The following MMP20 variants were observed in gnomAD, a reference collection of about 807,000 sequenced individuals.
MMP20 encodes the protein matrix metallopeptidase 20, also known as matrix metalloproteinase-20.
MMP20 carries 50 observed loss-of-function variants against 51.8 expected under a neutral mutation model. The ratio of observed to expected loss-of-function variants is 0.97; its 90% CI spans 0.77 to 1.22. The LOEUF is 1.22. MMP20 is among the 50% of genes most tolerant of loss of function. The pLI is 0.00. For missense variants in MMP20, 663 were observed against 601.4 expected (o/e 1.10, Z -1.07); for synonymous variants, 244 against 216.2 (o/e 1.13, Z -1.13).
chr11:102,614,715 C>T (rs1048145734), intron 2 of MMP20, among the ~76,000 whole-genome samples: 11 of 152,006 alleles, frequency 7.2e-5, no homozygotes, highest in Non-Finnish European at 1.3e-4. Flanking sequence ...CTAGGGGATT[C>T]ATGACTGTTC....
chr11:102,614,075 T>C (rs1247806140), intron 2 of MMP20, among the ~76,000 whole-genome samples: 1 of 152,248 alleles, frequency 6.6e-6, no homozygotes, highest in African/African-American at 2.4e-5. Context: ...AGTCACACTA[T>C]GTGCTGTTGC....
At chr11:102,607,521 G>A (rs1385209977) in intron 5 of MMP20, 1 of 152,372 alleles carries the variant, frequency 6.6e-6, no homozygotes, top group Non-Finnish European at 1.5e-5. Context: ...GGTCAGATGA[G>A]GTTTGAGGTC....
intron 6 of MMP20, among the ~76,000 whole-genome samples, chr11:102,597,267 C>G (rs908025288): frequency 1.3e-5 from 2 of 152,168 alleles, no homozygotes; most frequent in African/African-American, 2.4e-5. Flanking sequence ...AAAGCTAAGT[C>G]CTACTTTTTA....
At chr11:102,594,546 G>C (rs1466728940) in intron 7 of MMP20, 75 bp downstream of exon 7, 35 of 1,582,562 alleles carry the variant, frequency 2.2e-5, no homozygotes, top group Non-Finnish European at 2.9e-5. Flanking sequence ...GAAAAATGCT[G>C]GCAGGGCTAG....
chr11:102,577,428 TA>T lies in MMP20; in HGVS notation c.1352-3del, dbSNP rs1199855707. 9 of 1,604,480 alleles carry T rather than the reference TA, an allele frequency of 5.6e-6. No individual in the cohort carries two copies. Among genetic ancestry groups the T allele is most frequent in the Non-Finnish European group, 7.7e-6 (9 of 1,171,422 alleles). On this transcript the variant is annotated splice_polypyrimidine_tract_variant and splice_region_variant and intron_variant, in intron 9 of 9. Coordinates refer to ENST00000260228, the MANE Select transcript of MMP20 (RefSeq NM_004771.4). ...GTCCTGAAAAGAAGTAAATGTAGCCTAAAAGAGACAAAGTTGAAATTGGGTT... is the reference window on the plus strand; with the variant it reads ...GTCCTGAAAAGAAGTAAATGTAGCCTAAAGAGACAAAGTTGAAATTGGGTT...
intron 2 of MMP20, among the ~76,000 whole-genome samples, chr11:102,614,672 G>A (rs1490105053): frequency 6.6e-6 from 1 of 151,968 alleles, no homozygotes; most frequent in Non-Finnish European, 1.5e-5. Flanking sequence ...GCCACCTTAT[G>A]GATTTATTGG....
chr11:102,602,366 GA>G (rs994026964), intron 6 of MMP20, among the ~76,000 whole-genome samples: 21 of 150,476 alleles, frequency 1.4e-4, no homozygotes, highest in Admixed American at 6.0e-4. Context: ...TCCTATTTTG[GA>G]AAAAAAAATG....
chr11:102,593,306 G>T (rs779915722), intron 8 of MMP20, 133 bp downstream of exon 8: 1 of 773,022 alleles, frequency 1.3e-6, no homozygotes, highest in Non-Finnish European at 2.1e-6. Context: ...TCTGTAAATC[G>T]CACCCCAGTG....
intron 2 of MMP20, 140 bp from the exon 3 acceptor site, chr11:102,612,043 A>G: frequency 1.2e-6 from 1 of 826,214 alleles, no homozygotes; most frequent in Non-Finnish European, 1.9e-6. Context: ...ATTTTGCTTT[A>G]TTATATGTTA....
At chr11:102,577,834 A>G (rs1859143930) in intron 9 of MMP20, among the ~76,000 whole-genome samples, 1 of 152,200 alleles carries the variant, frequency 6.6e-6, no homozygotes, top group South Asian at 2.1e-4. Context: ...TAATTCTCAG[A>G]TCAGCTCTTG....
chr11:102,604,315 C>T (rs987724214), intron 6 of MMP20, among the ~76,000 whole-genome samples: 5 of 152,150 alleles, frequency 3.3e-5, no homozygotes, highest in East Asian at 1.9e-4. Context: ...ACTCCCGGGT[C>T]ATTGCTTACC....
chr11:102,577,453 T>G (rs372497542), intron 9 of MMP20, 27 bp from the exon 10 acceptor site: 10 of 1,458,626 alleles, frequency 6.9e-6, no homozygotes, highest in Non-Finnish European at 9.6e-6. Context: ...TGAAATTGGG[T>G]TACTGAAGAT....
chr11:102,595,028 T>C (rs972823584), intron 6 of MMP20, among the ~76,000 whole-genome samples: 2 of 151,822 alleles, frequency 1.3e-5, no homozygotes, highest in Admixed American at 1.3e-4. Context: ...TTCAAGCAAT[T>C]CTCCTGCCTC....
At chr11:102,610,121 A>G (rs1233476174) in intron 3 of MMP20, 91 bp from the exon 4 acceptor site, 10 of 1,380,758 alleles carry the variant, frequency 7.2e-6, no homozygotes, top group African/African-American at 1.4e-5. Context: ...CATTTTGAGT[A>G]GCATTGACAC....
chr11:102,591,109 T>C (rs990523186), intron 8 of MMP20, among the ~76,000 whole-genome samples: 2 of 152,226 alleles, frequency 1.3e-5, no homozygotes, highest in African/African-American at 4.8e-5. Flanking sequence ...CAATAAGATG[T>C]CACACATATG....
intron 8 of MMP20, 148 bp from the exon 9 acceptor site, chr11:102,579,290 G>T: frequency 1.6e-6 from 1 of 628,120 alleles, no homozygotes; most frequent in South Asian, 1.9e-5. Context: ...ATGCATTTAT[G>T]TTGTTATTTA....
At chr11:102,615,503 A>G (rs577868572) in intron 2 of MMP20, among the ~76,000 whole-genome samples, 36 of 152,240 alleles carry the variant, frequency 2.4e-4, no homozygotes, top group East Asian at 2.3e-3. Flanking sequence ...GCACGAGTCC[A>G]GCCTTTCCCC....
chr11:102,597,897 A>G (rs755347526), intron 6 of MMP20, among the ~76,000 whole-genome samples: 4 of 152,042 alleles, frequency 2.6e-5, no homozygotes, highest in Non-Finnish European at 5.9e-5. Context: ...CCTCCCGAGT[A>G]GCTGGGATTA....
intron 8 of MMP20, among the ~76,000 whole-genome samples, chr11:102,584,193 G>C (rs933346738): frequency 5.9e-5 from 9 of 152,130 alleles, no homozygotes; most frequent in Non-Finnish European, 7.4e-5. Flanking sequence ...TCAATTTTTT[G>C]AGGAGCAGGA....
Sources: allele counts gnomAD v4.1 joint callset (sites outside exome capture counted in the v4.1 genomes callset), GRCh38; gene constraint gnomAD v4.1.1; transcripts MANE v1.5; gene names NCBI Gene and HGNC (gene_info 2026-07-23, HGNC 2026-07-21).